Variants in DYM observed in about 807,000 individuals in gnomAD.
DYM encodes the protein dymeclin.
In DYM, 78 loss-of-function variants were observed where a neutral mutation model predicts 93.1. The ratio of observed to expected loss-of-function variants is 0.84; its 90% CI spans 0.70 to 1.01. The LOEUF is 1.01. Among genes scored for constraint, DYM ranks in the 50% least tolerant of loss-of-function variants. The pLI, the probability that DYM is intolerant of heterozygous loss-of-function variation, is 0.00. For synonymous variants in DYM, 321 were observed against 319.7 expected, an observed-to-expected ratio of 1.00 and a Z score of -0.04; for missense variants, 789 against 845.0, an observed-to-expected ratio of 0.93 and a Z score of 0.82.
intron 14 of DYM, among the ~76,000 whole-genome samples, chr18:49,200,700 T>A (rs1248969269): frequency 6.6e-6 from 1 of 152,122 alleles, no homozygotes; most frequent in Non-Finnish European, 1.5e-5. Flanking sequence ...TTCTAGCATA[T>A]TTCTTTATAG....
intron 10 of DYM, among the ~76,000 whole-genome samples, chr18:49,280,704 T>C (rs2094949575): frequency 6.6e-6 from 1 of 152,200 alleles, no homozygotes; most frequent in Non-Finnish European, 1.5e-5. Flanking sequence ...TCCGTCTGTG[T>C]CTGGTGACAT....
At chr18:49,428,408 G>T (rs1045249094) in intron 2 of DYM, among the ~76,000 whole-genome samples, 57 of 152,294 alleles carry the variant, frequency 3.7e-4, no homozygotes, top group African/African-American at 1.3e-3. Flanking sequence ...TTAGTGGCTG[G>T]ACGCAGTGTC....
chr18:49,425,687 C>T (rs914018242), intron 2 of DYM, among the ~76,000 whole-genome samples: 1 of 152,138 alleles, frequency 6.6e-6, no homozygotes, highest in Non-Finnish European at 1.5e-5. Context: ...AGAACTTAAA[C>T]AAATTTACAA....
At chr18:49,270,261 A>G (rs963024970) in intron 11 of DYM, among the ~76,000 whole-genome samples, 2 of 152,238 alleles carry the variant, frequency 1.3e-5, no homozygotes, top group Admixed American at 6.5e-5. Context: ...TTCAGCCTTA[A>G]AAAAGAAGAC....
At chr18:49,055,340 C>T (rs1383805383) in intron 17 of DYM, among the ~76,000 whole-genome samples, 1 of 152,160 alleles carries the variant, frequency 6.6e-6, no homozygotes, top group African/African-American at 2.4e-5. Flanking sequence ...AGATGGAGGA[C>T]AGAGACTCGT....
At chr18:49,267,299 C>T (rs932379234) in intron 11 of DYM, among the ~76,000 whole-genome samples, 8 of 151,614 alleles carry the variant, frequency 5.3e-5, no homozygotes, top group African/African-American at 1.7e-4. Flanking sequence ...TCAGAAAACA[C>T]AAAGTTCAAA....
At chr18:49,187,160 C>A (rs775215707) in intron 14 of DYM, among the ~76,000 whole-genome samples, 1 of 151,992 alleles carries the variant, frequency 6.6e-6, no homozygotes. Flanking sequence ...ACCTCATGAT[C>A]GCCCGCCTCG....
intron 2 of DYM, among the ~76,000 whole-genome samples, chr18:49,397,235 T>C (rs2070216665): frequency 6.6e-6 from 1 of 152,222 alleles, no homozygotes; most frequent in Admixed American, 6.5e-5. Context: ...TATTATTGAT[T>C]CCAAAATGTA....
intron 6 of DYM, among the ~76,000 whole-genome samples, chr18:49,338,357 T>C (rs1270138486): frequency 6.6e-6 from 1 of 152,234 alleles, no homozygotes; most frequent in Non-Finnish European, 1.5e-5. Flanking sequence ...CCCAGATTAA[T>C]ACAGAAAGTC....
chr18:49,360,267 A>G (rs968485440), intron 6 of DYM, among the ~76,000 whole-genome samples: 6 of 152,004 alleles, frequency 3.9e-5, no homozygotes, highest in African/African-American at 1.4e-4. Flanking sequence ...GGCAAAAAAA[A>G]AAAAAAAGCG....
chr18:49,363,851 A>G (rs1228573584), intron 5 of DYM, among the ~76,000 whole-genome samples: 1 of 152,204 alleles, frequency 6.6e-6, no homozygotes, highest in Non-Finnish European at 1.5e-5. Context: ...TCCAATGGAA[A>G]TGTTCCCCTA....
chr18:49,195,747 T>C (rs1225231309), intron 14 of DYM, among the ~76,000 whole-genome samples: 1 of 152,124 alleles, frequency 6.6e-6, no homozygotes, highest in Non-Finnish European at 1.5e-5. Flanking sequence ...AGTGGAAAAT[T>C]TGTAAATTCT....
At chr18:49,291,833 T>C (rs1291547321) in intron 8 of DYM, among the ~76,000 whole-genome samples, 3 of 152,170 alleles carry the variant, frequency 2.0e-5, no homozygotes, top group Admixed American at 6.5e-5. Context: ...AAATCAAAAT[T>C]ATTAAGAAGG....
chr18:49,370,165 C>T (rs528528874), intron 5 of DYM, among the ~76,000 whole-genome samples: 1 of 151,772 alleles, frequency 6.6e-6, no homozygotes, highest in African/African-American at 2.4e-5. Flanking sequence ...GTAATCCTAG[C>T]TACTTGGGAG....
chr18:49,256,095 A>T, intron 13 of DYM, among the ~76,000 whole-genome samples: 1 of 151,836 alleles, frequency 6.6e-6, no homozygotes, highest in African/African-American at 2.4e-5. Context: ...AAAAAAAAAA[A>T]AAAAAAAAAG....
intron 14 of DYM, among the ~76,000 whole-genome samples, chr18:49,196,255 T>C (rs991585148): frequency 2.0e-5 from 3 of 152,174 alleles, no homozygotes; most frequent in African/African-American, 7.2e-5. Context: ...TAAGACACAG[T>C]AGCTTTATAA....
intron 2 of DYM, among the ~76,000 whole-genome samples, chr18:49,416,292 A>G (rs1471631895): frequency 6.6e-6 from 1 of 152,220 alleles, no homozygotes; most frequent in Non-Finnish European, 1.5e-5. Flanking sequence ...GTTCAGTGAG[A>G]TTAAGCAGCT....
chr18:49,297,549 A>G (rs989139804), intron 8 of DYM, among the ~76,000 whole-genome samples: 1 of 152,274 alleles, frequency 6.6e-6, no homozygotes, highest in Admixed American at 6.5e-5. Flanking sequence ...TATATGTTAC[A>G]CTTAAATAAA....
intron 15 of DYM, among the ~76,000 whole-genome samples, chr18:49,154,356 T>G (rs2086147811): frequency 6.6e-6 from 1 of 152,150 alleles, no homozygotes; most frequent in Non-Finnish European, 1.5e-5. Context: ...ATGTAAGATA[T>G]TAGCAAAAGG....
Sources: gnomAD v4.1 joint callset for allele counts (sites outside exome capture counted in the v4.1 genomes callset) on GRCh38, gnomAD v4.1.1 for gene constraint, MANE v1.5 for transcripts, NCBI Gene and HGNC (gene_info 2026-07-23, HGNC 2026-07-21) for gene names.